ATP2C2: variants seen among roughly 807,000 people sequenced by gnomAD.
ATP2C2 encodes the protein calcium-transporting ATPase type 2C member 2.
In ATP2C2, 171 loss-of-function variants were observed where a neutral mutation model predicts 110.8. The ratio of observed to expected loss-of-function variants is 1.54; its 90% confidence interval spans 1.36 to 1.75. ATP2C2 has a LOEUF of 1.75. ATP2C2 is among the 40% of genes most tolerant of loss of function. The pLI is 0.00. For synonymous variants in ATP2C2, 804 were observed against 508.4 expected, an observed-to-expected ratio of 1.58 and a Z score of -7.82; for missense variants, 1,963 against 1,235.0, an observed-to-expected ratio of 1.59 and a Z score of -8.84.
chr16:84,449,140 C>G (rs1002164100), intron 17 of ATP2C2, among the ~76,000 whole-genome samples: 18 of 152,214 alleles, frequency 1.2e-4, no homozygotes, highest in African/African-American at 4.3e-4. Context: ...CCCTTGGTGT[C>G]ATTTGTCACC....
intron 1 of ATP2C2, among the ~76,000 whole-genome samples, chr16:84,391,682 G>A (rs1426737990): frequency 6.6e-6 from 1 of 152,170 alleles, no homozygotes; most frequent in Non-Finnish European, 1.5e-5. Flanking sequence ...TTGCCTGCAG[G>A]GTTCAATGGG....
In ATP2C2 at chr16:84,460,561, A is replaced by C. The variant is rs1049531122; in HGVS notation, c.2334-93A>C. ...AATGCCTGGCCCTGCCCCCTGTGCC[A>C]ACTTGGCCTGGGAGGCTCAGGCACA... On this transcript the variant is annotated intron_variant, in intron 23 of 26. Transcript: ENST00000262429. The C allele has an allele frequency of 3.2e-6, 5 of 1,576,354 alleles. No individual in the cohort carries two copies. In the African/African-American group the frequency reaches 6.7e-5, roughly 21 times the overall value.
At chr16:84,380,778 G>A (rs1321730279) in intron 1 of ATP2C2, among the ~76,000 whole-genome samples, 1 of 152,182 alleles carries the variant, frequency 6.6e-6, no homozygotes, top group Non-Finnish European at 1.5e-5. Context: ...CATACATCGG[G>A]GGGTCTGTTG....
At position 84,459,208 on chromosome 16, in the gene ATP2C2, C is replaced by T. The variant is rs766761139; in HGVS notation, c.2216+20C>T. The stretch of plus-strand genomic sequence containing the variant: ...GAGCACGTAAGTAGAGGCCAGCATT[C>T]CGAGTGTCATTAAGCACCACGCCTG... On this transcript the variant is annotated intron_variant, in intron 22 of 26. Coordinates refer to ENST00000262429, the MANE Select transcript of ATP2C2 (RefSeq NM_014861.4). 1.2e-6 allele frequency: 2 copies of T among 1,614,216 alleles called. No individual in the cohort carries two copies. Among genetic ancestry groups the T allele is most frequent in the Non-Finnish European group, 1.7e-6 (2 of 1,180,012 alleles).
intron 1 of ATP2C2, among the ~76,000 whole-genome samples, chr16:84,378,076 T>C (rs1910354192): frequency 6.6e-6 from 1 of 152,196 alleles, no homozygotes; most frequent in African/African-American, 2.4e-5. Context: ...AGATCTGCGA[T>C]TCCAGAGACC....
chr16:84,377,634 T>A (rs780529583), intron 1 of ATP2C2, among the ~76,000 whole-genome samples: 1 of 152,108 alleles, frequency 6.6e-6, no homozygotes, highest in African/African-American at 2.4e-5. Context: ...ACCAATGACA[T>A]CATTTAGCTG....
In ATP2C2 at chr16:84,381,083, C is replaced by T. The variant is rs956764882; in HGVS notation, c.99+12369C>T. 3.9e-5 allele frequency among the ~76,000 whole-genome samples: 6 copies of T among 152,146 alleles called. No individual in the cohort carries two copies. In the East Asian group the frequency reaches 9.6e-4, roughly 24 times the overall value. ...GCTGTTTATTTCACCTGGGTGCAGG[C>T]GGGCTGAGTCCGAAAAGAGAGTCGG... On this transcript the variant is annotated intron_variant, in intron 1 of 26. Transcript: ENST00000262429.
At chr16:84,384,774 G>A (rs1414707520) in intron 1 of ATP2C2, among the ~76,000 whole-genome samples, 1 of 152,230 alleles carries the variant, frequency 6.6e-6, no homozygotes, top group African/African-American at 2.4e-5. Context: ...CTGAAGCCGG[G>A]CATGGTGGCT....
chr16:84,416,763 C>G (rs567412969), intron 7 of ATP2C2, among the ~76,000 whole-genome samples: 3 of 152,302 alleles, frequency 2.0e-5, no homozygotes, highest in South Asian at 4.1e-4. Flanking sequence ...TGGCCCCCGC[C>G]TCTCCCCGTG....
At chr16:84,429,895 A>T (rs1313323951) in intron 11 of ATP2C2, among the ~76,000 whole-genome samples, 1 of 152,102 alleles carries the variant, frequency 6.6e-6, no homozygotes, top group Non-Finnish European at 1.5e-5. Context: ...GCTGTTCTTG[A>T]AGACCCTAGG....
intron 11 of ATP2C2, among the ~76,000 whole-genome samples, chr16:84,433,545 C>A (rs370441349): frequency 8.0e-4 from 122 of 151,848 alleles, no homozygotes; most frequent in African/African-American, 2.7e-3. Flanking sequence ...CCCAGCTACT[C>A]AGGGGCTGAG....
intron 1 of ATP2C2, among the ~76,000 whole-genome samples, chr16:84,389,003 C>G (rs180878895): frequency 6.6e-6 from 1 of 152,108 alleles, no homozygotes; most frequent in Non-Finnish European, 1.5e-5. Context: ...ATCTCTTGAC[C>G]TCGTGATCCA....
Position 84,422,453 on chromosome 16 carries a change from G to GAC in ATP2C2, c.690_691dup (p.Ser231ThrfsTer4). The stretch of plus-strand genomic sequence containing the variant: ...GGAAGCCGAGCCATGTAGTAAAACA[G>GAC]ACAGCCCCTTGACAGGCGGTGGGGA... On this transcript the variant is annotated frameshift_variant, in exon 8 of 27. Coordinates refer to ENST00000262429, the MANE Select transcript of ATP2C2 (RefSeq NM_014861.4). LOFTEE classifies it high-confidence loss of function. The GAC allele has an allele frequency of 6.2e-7, 1 of 1,613,688 alleles. No individual in the cohort carries two copies. The highest frequency in any genetic ancestry group is 8.5e-7 in the Non-Finnish European group (1 of 1,180,022).
At chr16:84,449,018 C>T (rs1213180587) in intron 17 of ATP2C2, among the ~76,000 whole-genome samples, 1 of 152,212 alleles carries the variant, frequency 6.6e-6, no homozygotes, top group Non-Finnish European at 1.5e-5. Flanking sequence ...CAGGAAAACC[C>T]GAAGTTCTTT....
intron 1 of ATP2C2, among the ~76,000 whole-genome samples, chr16:84,389,033 A>T (rs1597743729): frequency 6.6e-6 from 1 of 152,188 alleles, no homozygotes; most frequent in African/African-American, 2.4e-5. Context: ...CTGGGATTAC[A>T]GGCATGAGCC....
At chr16:84,416,680 T>G (rs1171540276) in intron 7 of ATP2C2, among the ~76,000 whole-genome samples, 1 of 152,174 alleles carries the variant, frequency 6.6e-6, no homozygotes, top group Admixed American at 6.5e-5. Flanking sequence ...AGATGTTCAG[T>G]TACCAAAGTG....
rs771075608 is a variant in ATP2C2, at chr16:84,422,614, C to G, written c.775-15C>G. 9.9e-6 allele frequency: 16 copies of G among 1,611,212 alleles called. No homozygotes were observed. In the South Asian group the frequency reaches 1.8e-4, roughly 18 times the overall value. On this transcript the variant is annotated splice_polypyrimidine_tract_variant and intron_variant, in intron 8 of 26. Transcript: ENST00000262429. ...CAGCCCTTAGATTTCATACTTCTCT[C>G]TCTCCTGGACACAGGGGGTCGTGAT...
chr16:84,441,973 A>G (rs1259767571), intron 14 of ATP2C2, among the ~76,000 whole-genome samples: 2 of 152,088 alleles, frequency 1.3e-5, no homozygotes, highest in Admixed American at 1.3e-4. Flanking sequence ...AATAATAAAA[A>G]AGAAAAGAAA....
chr16:84,448,396 A>G, intron 16 of ATP2C2, 137 bp from the exon 17 acceptor site: 1 of 1,109,444 alleles, frequency 9.0e-7, no homozygotes. Context: ...ACCTGTGAAC[A>G]GCACCAGCCT....
Sources: allele counts gnomAD v4.1 joint callset (sites outside exome capture counted in the v4.1 genomes callset), GRCh38; gene constraint gnomAD v4.1.1; transcripts MANE v1.5; gene names NCBI Gene and HGNC (gene_info 2026-07-23, HGNC 2026-07-21).